TBCK: variants seen among roughly 807,000 people sequenced by gnomAD.
The protein encoded by TBCK is TBC domain-containing protein kinase-like protein.
TBCK carries 99 observed loss-of-function variants against 113.4 expected under a neutral mutation model. The ratio of observed to expected loss-of-function variants is 0.87; its 90% confidence interval spans 0.74 to 1.03. The LOEUF (loss-of-function observed/expected upper bound fraction) is 1.03. Ranked by LOEUF, TBCK falls within the 50% of genes least tolerant of loss-of-function variation. The pLI, the probability that TBCK is intolerant of heterozygous loss-of-function variation, is 0.00. For missense variants in TBCK, 1,045 were observed against 1,061.3 expected, an observed-to-expected ratio of 0.98 and a Z score of 0.21; for synonymous variants, 369 against 370.8, an observed-to-expected ratio of 1.00 and a Z score of 0.05.
Position 106,095,475 on chromosome 4 carries a change from T to A in TBCK, c.2571+7A>T, listed in dbSNP as rs1740794050. 1 of 1,612,412 alleles carries A rather than the reference T, an allele frequency of 6.2e-7. No individual in the cohort carries two copies. Among genetic ancestry groups the A allele is most frequent in the Non-Finnish European group, 8.5e-7 (1 of 1,179,222 alleles). On this transcript the variant is annotated splice_region_variant and intron_variant, in intron 25 of 25. Coordinates refer to ENST00000394708, the MANE Select transcript of TBCK (RefSeq NM_001163435.3). ...TATGTACATATGACATTTCTGAATA[T>A]ACTTACCTCAGCTGTGTGTTTTGCC... is the stretch of plus-strand genomic sequence containing the variant.
At chr4:106,183,318 G>T (rs1259997625) in intron 22 of TBCK, among the ~76,000 whole-genome samples, 1 of 151,660 alleles carries the variant, frequency 6.6e-6, no homozygotes, top group Non-Finnish European at 1.5e-5. Context: ...ATCATGCAAG[G>T]CCCCCATAAC....
intron 20 of TBCK, among the ~76,000 whole-genome samples, chr4:106,195,809 T>C (rs1019133995): frequency 2.0e-5 from 3 of 152,000 alleles, no homozygotes; most frequent in African/African-American, 7.2e-5. Flanking sequence ...TTCCTGGGTA[T>C]CCAGCTTTCA....
intron 3 of TBCK, among the ~76,000 whole-genome samples, chr4:106,293,556 T>G (rs1052888000): frequency 9.2e-5 from 14 of 152,186 alleles, no homozygotes; most frequent in African/African-American, 3.4e-4. Context: ...ATGGAAAACC[T>G]GTCTTCCACA....
At chr4:106,282,203 A>C (rs1254289486) in intron 3 of TBCK, among the ~76,000 whole-genome samples, 1 of 152,026 alleles carries the variant, frequency 6.6e-6, no homozygotes, top group Non-Finnish European at 1.5e-5. Context: ...AGAGTTGTTC[A>C]TAGAAGTCTC....
chr4:106,285,325 G>A (rs1293599806), intron 3 of TBCK, among the ~76,000 whole-genome samples: 1 of 151,804 alleles, frequency 6.6e-6, no homozygotes, highest in East Asian at 1.9e-4. Context: ...AGGGTTTTAC[G>A]GCCGTTAATA....
chr4:106,158,525 A>T (rs1457557805), intron 23 of TBCK, among the ~76,000 whole-genome samples: 2 of 152,244 alleles, frequency 1.3e-5, no homozygotes, highest in Admixed American at 1.3e-4. Context: ...GTAAGGCAGG[A>T]GTCAAAAATG....
At chr4:106,257,314 T>C (rs1454138225) in intron 5 of TBCK, among the ~76,000 whole-genome samples, 2 of 152,206 alleles carry the variant, frequency 1.3e-5, no homozygotes, top group Non-Finnish European at 2.9e-5. Flanking sequence ...GATTAAATTA[T>C]GTCCTCTTAC....
chr4:106,185,047 C>T (rs1752854874), intron 22 of TBCK, among the ~76,000 whole-genome samples: 1 of 151,946 alleles, frequency 6.6e-6, no homozygotes, highest in Admixed American at 6.6e-5. Flanking sequence ...TTTTACACTT[C>T]ACGGTGAATC....
intron 22 of TBCK, among the ~76,000 whole-genome samples, chr4:106,185,296 T>C (rs1310365579): frequency 6.6e-6 from 1 of 152,090 alleles, no homozygotes; most frequent in East Asian, 1.9e-4. Flanking sequence ...TCCTATCTAG[T>C]CTATGTGTAT....
At chr4:106,114,637 G>A (rs1435918214) in intron 24 of TBCK, among the ~76,000 whole-genome samples, 1 of 152,142 alleles carries the variant, frequency 6.6e-6, no homozygotes, top group African/African-American at 2.4e-5. Context: ...TACATCCGTT[G>A]TTCGGCCAGG....
At chr4:106,287,657 A>AC (rs1765250353) in intron 3 of TBCK, among the ~76,000 whole-genome samples, 1 of 152,238 alleles carries the variant, frequency 6.6e-6, no homozygotes, top group South Asian at 2.1e-4. Flanking sequence ...GAAGCCAACC[A>AC]CCATGCTTTG....
Position 106,109,691 on chromosome 4 carries a change from A to G in TBCK, c.2411+6512T>C, listed in dbSNP as rs1742593228. Among the ~76,000 whole-genome samples, 4 of 152,330 alleles carry G rather than the reference A, an allele frequency of 2.6e-5. No homozygotes were observed. In the South Asian group the frequency reaches 8.3e-4, roughly 32 times the overall value. On this transcript the variant is annotated intron_variant, in intron 24 of 25. Coordinates refer to ENST00000394708, the MANE Select transcript of TBCK (RefSeq NM_001163435.3). The stretch of plus-strand genomic sequence containing the variant: ...AAAAACCCTGGAAGACAACCTAGGC[A>G]ATACCATCCTAAACCTAGGAATGGG...
At chr4:106,212,872 C>T (rs773964550) in intron 19 of TBCK, 37 bp from the exon 20 acceptor site, 25 of 1,266,232 alleles carry the variant, frequency 2.0e-5, no homozygotes, top group Non-Finnish European at 2.9e-5. Flanking sequence ...ATCATTTTTA[C>T]ACAGTACTCC....
intron 6 of TBCK, 42 bp from the exon 7 acceptor site, chr4:106,250,520 G>GT (rs765549639): frequency 3.4e-6 from 4 of 1,182,204 alleles, no homozygotes; most frequent in African/African-American, 1.6e-5. Flanking sequence ...ATATTTACAT[G>GT]TTTTTTCTAG....
chr4:106,186,773 T>C (rs923311724), intron 22 of TBCK, among the ~76,000 whole-genome samples: 2 of 152,194 alleles, frequency 1.3e-5, no homozygotes, highest in African/African-American at 4.8e-5. Flanking sequence ...CTGTTGCAAT[T>C]GCAATTGCTC....
intron 22 of TBCK, among the ~76,000 whole-genome samples, chr4:106,189,003 A>G (rs190895627): frequency 1.3e-5 from 2 of 152,290 alleles, no homozygotes; most frequent in Admixed American, 6.5e-5. Flanking sequence ...TTTCCACCAC[A>G]AACAAGACTG....
intron 23 of TBCK, among the ~76,000 whole-genome samples, chr4:106,156,213 A>G (rs1001815753): frequency 1.3e-5 from 2 of 149,692 alleles, no homozygotes; most frequent in Non-Finnish European, 3.0e-5. Context: ...ACTTTCTCCT[A>G]AAAAAAAATA....
intron 25 of TBCK, among the ~76,000 whole-genome samples, chr4:106,060,065 T>C (rs1245140547): frequency 2.0e-5 from 3 of 151,802 alleles, no homozygotes; most frequent in African/African-American, 7.3e-5. Flanking sequence ...AGTTGGAAGC[T>C]AGCAGACATT....
intron 25 of TBCK, among the ~76,000 whole-genome samples, chr4:106,094,875 G>C (rs991949550): frequency 6.6e-6 from 1 of 152,126 alleles, no homozygotes; most frequent in Non-Finnish European, 1.5e-5. Flanking sequence ...TTCTCTGGCT[G>C]CTTGTTTTTA....
Sources: allele counts gnomAD v4.1 joint callset (sites outside exome capture counted in the v4.1 genomes callset), GRCh38; gene constraint gnomAD v4.1.1; transcripts MANE v1.5; gene names NCBI Gene and HGNC (gene_info 2026-07-23, HGNC 2026-07-21).